FANCB: variants seen among roughly 807,000 people sequenced by gnomAD.
FANCB encodes the protein FA complementation group B.
In FANCB, 5 loss-of-function variants were observed where a neutral mutation model predicts 38.9. The ratio of observed to expected loss-of-function variants is 0.13; its 90% CI spans 0.07 to 0.27. FANCB has a LOEUF of 0.27. Ranked by LOEUF, FANCB falls within the 10% of genes least tolerant of loss-of-function variation. The pLI is 1.00. For missense variants in FANCB, 573 were observed against 602.7 expected (o/e 0.95, Z 0.52); for synonymous variants, 236 against 215.4 (o/e 1.10, Z -0.84).
chrX:14,802,497 G>T, the FANCB span, among the ~76,000 whole-genome samples: 2 of 111,589 alleles, frequency 1.8e-5, no homozygotes, highest in Middle Eastern at 4.6e-3. Flanking sequence ...AAAGTAATCA[G>T]ATTTGCAATA....
chrX:14,764,076 C>T, the FANCB span, among the ~76,000 whole-genome samples: 4 of 111,686 alleles, frequency 3.6e-5, no homozygotes, highest in African/African-American at 1.3e-4. Context: ...CTTTATACAG[C>T]ACATATTTAT....
the FANCB span, among the ~76,000 whole-genome samples, chrX:14,699,916 G>T: frequency 8.9e-6 from 1 of 111,973 alleles, no homozygotes; most frequent in Non-Finnish European, 1.9e-5. Flanking sequence ...CTTCTAAGTG[G>T]GAGCTAATGA....
the FANCB span, among the ~76,000 whole-genome samples, chrX:14,703,610 C>T: frequency 1.1e-4 from 12 of 111,681 alleles, no homozygotes; most frequent in Admixed American, 4.7e-4. Flanking sequence ...ATTATCCTGC[C>T]TGCCACAAAC....
downstream of FANCB, among the ~76,000 whole-genome samples, chrX:14,832,287 C>T (rs1166844781): frequency 9.0e-6 from 1 of 111,440 alleles, no homozygotes; most frequent in Non-Finnish European, 1.9e-5. Context: ...TACATAACTC[C>T]AGCCCCTGCC....
At chrX:14,812,134 A>G in the FANCB span, among the ~76,000 whole-genome samples, 1 of 110,652 alleles carries the variant, frequency 9.0e-6, no homozygotes, top group Non-Finnish European at 1.9e-5. Flanking sequence ...AAGACACAAC[A>G]TACCAGAATC....
the FANCB span, among the ~76,000 whole-genome samples, chrX:14,778,109 G>T: frequency 8.6e-4 from 96 of 111,959 alleles, 2 homozygotes; most frequent in Admixed American, 2.6e-3. Context: ...AAGAGGGAAA[G>T]GGAGGACATT....
At position 14,853,100 on chromosome X, in the gene FANCB, G is replaced by A. The variant is rs1057515805; in HGVS notation, c.1265C>T (p.Ser422Phe). 1.7e-6 allele frequency: 2 copies of A among 1,200,344 alleles called. No individual in the cohort carries two copies. The highest frequency in any genetic ancestry group is 2.3e-6 in the Non-Finnish European group (2 of 887,247). Reference sequence around the variant, plus strand: ...AACTAGGTTTATTAAAGCTTTGTAAGATTTTGAAATAATTTTTTCCTTAAG... The same window carrying A: ...AACTAGGTTTATTAAAGCTTTGTAAAATTTTGAAATAATTTTTTCCTTAAG... Reference protein sequence around the residue: ...LLLKEKIISKSYKALINLVQG... With the variant: ...LLLKEKIISKFYKALINLVQG... Residue 422 changes from serine (S) to phenylalanine (F), a missense_variant, in exon 6 of 10, where the codon TCT becomes TTT. Ser to Phe is a radical substitution (Grantham distance 155). Coordinates refer to ENST00000650831, the MANE Select transcript of FANCB (RefSeq NM_001018113.3).
the FANCB span, among the ~76,000 whole-genome samples, chrX:14,801,016 C>T: frequency 1.8e-5 from 2 of 108,174 alleles, no homozygotes; most frequent in African/African-American, 3.5e-5. Context: ...GCACAGTGAA[C>T]GACCATAGCA....
chrX:14,859,395 A>T, intron 3 of FANCB, 61 bp from the exon 4 acceptor site: 1 of 833,550 alleles, frequency 1.2e-6, no homozygotes, highest in East Asian at 3.1e-5. Context: ...TGAAATAAAT[A>T]AATTAAGTCC....
At chrX:14,823,586 T>C in the FANCB span, among the ~76,000 whole-genome samples, 1 of 112,143 alleles carries the variant, frequency 8.9e-6, no homozygotes, top group Admixed American at 9.4e-5. Flanking sequence ...TTGGCCTATC[T>C]AGTTCCTTAT....
intron 10 of FANCB, among the ~76,000 whole-genome samples, chrX:14,837,225 G>GT (rs1460614472): frequency 8.9e-6 from 1 of 112,278 alleles, no homozygotes; most frequent in Non-Finnish European, 1.9e-5. Context: ...GAATAAAGAT[G>GT]TAAGTTTTCC....
chrX:14,763,006 C>T, the FANCB span, among the ~76,000 whole-genome samples: 1 of 111,882 alleles, frequency 8.9e-6, no homozygotes, highest in East Asian at 2.8e-4. Flanking sequence ...CCTTTCCAAC[C>T]TCTATTTTTA....
At position 14,843,819 on chromosome X, in the gene FANCB, G is replaced by A. The variant is rs2092363411; in HGVS notation, c.2328C>T (p.Ala776=). ...ELVTLSSLSS[A]IAKHESNFMQ... ...TAAAATTGCTTTCATGTTTAGCTAT[G>A]GCAGAAGAAAGAGAACTAAGGGTGA... is the stretch of plus-strand genomic sequence containing the variant. The change falls in exon 10 of 10, where the codon GCC becomes GCT. Residue 776 remains alanine, a synonymous_variant. Coordinates refer to ENST00000650831, the MANE Select transcript of FANCB (RefSeq NM_001018113.3). 1 of 1,208,227 alleles carries A rather than the reference G, an allele frequency of 8.3e-7. No individual in the cohort carries two copies. The highest frequency in any genetic ancestry group is 1.8e-5 in the African/African-American group (1 of 56,997).
the FANCB span, among the ~76,000 whole-genome samples, chrX:14,818,019 C>T: frequency 9.0e-6 from 1 of 111,197 alleles, no homozygotes; most frequent in African/African-American, 3.3e-5. Flanking sequence ...TATTTGGCAA[C>T]TCAACAGGGA....
intron 7 of FANCB, among the ~76,000 whole-genome samples, chrX:14,849,268 T>C (rs1192055763): frequency 1.8e-5 from 2 of 111,290 alleles, no homozygotes; most frequent in Non-Finnish European, 3.8e-5. Flanking sequence ...TAAGACAAAA[T>C]TGATTAATAT....
chrX:14,830,416 C>T, the FANCB span, among the ~76,000 whole-genome samples: 1 of 111,007 alleles, frequency 9.0e-6, no homozygotes, highest in Non-Finnish European at 1.9e-5. Flanking sequence ...ATATGTGAAG[C>T]ACAAAAAAAC....
the FANCB span, among the ~76,000 whole-genome samples, chrX:14,809,833 T>A: frequency 1.8e-5 from 2 of 112,247 alleles, no homozygotes; most frequent in African/African-American, 6.5e-5. Context: ...GAGCAGTGGT[T>A]CTCCCAGCAC....
the FANCB span, among the ~76,000 whole-genome samples, chrX:14,726,095 CCTAA>C: frequency 8.0e-5 from 9 of 112,272 alleles, no homozygotes; most frequent in South Asian, 2.2e-3. Flanking sequence ...ACTGGAAGGA[CCTAA>C]CTGAGTCTAC....
rs1295875989 is a variant in FANCB at position 14,868,958 on chromosome X, G to A, written c.-106C>T. 2 of 111,959 alleles carry A rather than the reference G, an allele frequency of 1.8e-5. No individual in the cohort carries two copies. The highest frequency in any genetic ancestry group is 3.8e-5 in the Non-Finnish European group (2 of 53,084). The allele number at this position is 111,959 out of a possible 1,213,427, so 9.2% of individuals were successfully genotyped here. ...TTAGGCAATTAACAGAAAGATCTGG[G>A]ACAATAGGCATCACAAAGTAGTTTC... On this transcript the variant is annotated 5_prime_UTR_variant, in exon 2 of 10. Coordinates refer to ENST00000650831, the MANE Select transcript of FANCB (RefSeq NM_001018113.3).
Sources: gnomAD v4.1 joint callset for allele counts (sites outside exome capture counted in the v4.1 genomes callset) on GRCh38, gnomAD v4.1.1 for gene constraint, MANE v1.5 for transcripts, NCBI Gene and HGNC (gene_info 2026-07-23, HGNC 2026-07-21) for gene names.